The following CAND1 variants were observed in gnomAD, a reference collection of about 807,000 sequenced individuals.
The protein encoded by CAND1 is cullin associated and neddylation dissociated 1, also known as cullin-associated NEDD8-dissociated protein 1.
In CAND1, 7 loss-of-function variants were observed where a neutral mutation model predicts 108.5. The observed-to-expected ratio is 0.06, with a 90% CI of 0.04 to 0.12. The LOEUF (loss-of-function observed/expected upper bound fraction) is 0.12. CAND1 is among the 10% of genes least tolerant of loss of function. The pLI is 1.00. For missense variants in CAND1, 941 were observed against 1,448.7 expected (o/e 0.65, Z 5.69); for synonymous variants, 534 against 512.0 (o/e 1.04, Z -0.58).
rs201672856 is a variant in CAND1, at chr12:67,312,762, G to A, written c.3625G>A (p.Ala1209Thr). 1.1e-5 allele frequency: 18 copies of A among 1,613,722 alleles called. No homozygotes were observed. Among genetic ancestry groups the A allele is most frequent in the Middle Eastern group, 1.6e-4 (1 of 6,062 alleles). Residue 1209 changes from alanine to threonine, a missense_variant, in exon 15 of 15, where the codon GCG (alanine) becomes ACG (threonine). Ala to Thr is a moderately conservative substitution (Grantham distance 58). Transcript: ENST00000545606. ...QSQISSNPEL[A>T]AIFESIQKDS... ...ACAGATCAGTTCTAACCCTGAGCTG[G>A]CGGCTATCTTTGAAAGTATCCAGAA...
At chr12:67,283,232 C>A (rs2044636679) in intron 2 of CAND1, among the ~76,000 whole-genome samples, 1 of 152,072 alleles carries the variant, frequency 6.6e-6, no homozygotes, top group South Asian at 2.1e-4. Context: ...TCCAGACATG[C>A]AATACAAATT....
At chr12:67,294,106 G>A (rs2044746568) in intron 3 of CAND1, among the ~76,000 whole-genome samples, 1 of 152,102 alleles carries the variant, frequency 6.6e-6, no homozygotes, top group Non-Finnish European at 1.5e-5. Flanking sequence ...CAACTCAGAA[G>A]TATGTTATTT....
chr12:67,301,703 A>T (rs899463548), intron 7 of CAND1, among the ~76,000 whole-genome samples: 1 of 152,194 alleles, frequency 6.6e-6, no homozygotes, highest in Non-Finnish European at 1.5e-5. Context: ...GTACATTAAG[A>T]CAAAATTGTG....
rs141094067 is a variant in CAND1, at chr12:67,305,109, A to G, written c.1441A>G (p.Ile481Val). The G allele has an allele frequency of 2.5e-6, 4 of 1,603,752 alleles. No individual in the cohort carries two copies. In the African/African-American group the frequency reaches 4.0e-5, roughly 16 times the overall value. Residue 481 changes from isoleucine (I) to valine (V), a missense_variant, in exon 10 of 15, where the codon ATT becomes GTT. Ile to Val is a conservative substitution (Grantham distance 29). This residue lies in a region of CAND1 where 697 missense variants were observed against 942.0 expected (regional missense o/e 0.74). Transcript: ENST00000545606. The surrounding 1 kb of genome is among the most constrained non-coding windows in gnomAD (Gnocchi z 4.4). ...QHIPVLVPGI[I>V]FSLNDKSSSS... is the part of the protein sequence containing the mutation. ...ATTTTTTGTTGGCTTTTTAGGAATC[A>G]TTTTCTCACTGAATGATAAATCAAG...
chr12:67,279,118 A>G (rs2044596666), intron 1 of CAND1, among the ~76,000 whole-genome samples: 1 of 151,290 alleles, frequency 6.6e-6, no homozygotes, highest in Non-Finnish European at 1.5e-5. Context: ...TGTGCTCCAC[A>G]TACTGAACTG....
Position 67,269,597 on chromosome 12 carries a change from C to G in CAND1, c.-121C>G, listed in dbSNP as rs142433820. On this transcript the variant is annotated 5_prime_UTR_variant, in exon 1 of 15. Coordinates refer to ENST00000545606, the MANE Select transcript of CAND1 (RefSeq NM_018448.5). ...CCTAGTCAGCGTCGGCGTCGCGCTGCGACCCTGGAAGCGGGAGCCGCCGCG... is the reference window on the plus strand; with the variant it reads ...CCTAGTCAGCGTCGGCGTCGCGCTGGGACCCTGGAAGCGGGAGCCGCCGCG... The G allele has an allele frequency of 2.0e-5, 16 of 798,800 alleles. No homozygotes were observed. The highest frequency in any genetic ancestry group is 2.9e-5 in the Admixed American group (1 of 34,602). 49.5% of individuals were successfully genotyped at this position (798,800 alleles called of 1,614,324 possible). A position where few individuals can be genotyped will look rare whatever the true frequency, so the allele number is the denominator to read the frequency against.
At chr12:67,277,828 G>C (rs189888122) in intron 1 of CAND1, among the ~76,000 whole-genome samples, 30 of 152,030 alleles carry the variant, frequency 2.0e-4, no homozygotes, top group Admixed American at 1.3e-3. Flanking sequence ...CATCTTCATT[G>C]ATTGCCATAA....
At position 67,310,000 on chromosome 12, in the gene CAND1, G is replaced by A; in HGVS notation, c.3125G>A (p.Arg1042Lys). The change falls in exon 12 of 15, where the codon AGG (arginine) becomes AAG (lysine). Residue 1042 changes from arginine to lysine, a missense_variant. By Grantham distance (26) the Arg-to-Lys change is conservative. Coordinates refer to ENST00000545606, the MANE Select transcript of CAND1 (RefSeq NM_018448.5). ...SAAHNKPSLI[R>K]DLLDTVLPHL... ...GCACATAACAAGCCATCATTAATAAGGGATCTATTGGATACTGTTCTTCCA... is the reference window on the plus strand; with the variant it reads ...GCACATAACAAGCCATCATTAATAAAGGATCTATTGGATACTGTTCTTCCA... 1 of 1,611,992 alleles carries A rather than the reference G, an allele frequency of 6.2e-7. No homozygotes were observed. The highest frequency in any genetic ancestry group is 8.5e-7 in the Non-Finnish European group (1 of 1,178,286).
chr12:67,283,842 T>C (rs2044643055), intron 2 of CAND1, among the ~76,000 whole-genome samples: 1 of 152,176 alleles, frequency 6.6e-6, no homozygotes, highest in African/African-American at 2.4e-5. Flanking sequence ...CCTGAGTTTC[T>C]TGACCTTTTG....
chr12:67,298,972 C>A lies in CAND1; in HGVS notation c.877C>A (p.His293Asn), dbSNP rs767916183. ...VRRCPKEVYP[H>N]VSTIINICLK... ...TAGATGTCCTAAGGAAGTATATCCT[C>A]ATGTTTCTACCATTATAAATATTTG... The change falls in exon 7 of 15, where the codon CAT becomes AAT. Residue 293 changes from histidine (H) to asparagine (N), a missense_variant. Physicochemically the swap from His to Asn is moderately conservative, Grantham distance 68 (BLOSUM62 1). Transcript: ENST00000545606. The A allele has an allele frequency of 6.5e-7, 1 of 1,534,028 alleles. No homozygotes were observed. The highest frequency in any genetic ancestry group is 1.1e-5 in the South Asian group (1 of 88,492).
In CAND1 at chr12:67,316,962, A is replaced by AACATAGTGAG. The variant is rs1768457502; in HGVS notation, c.*4135_*4144dup. ...CAGGAGTTGGAGACCAGCTCTAGGC[A>AACATAGTGAG]ACATAGTGAGACCCTGTCTCTACCA... is the stretch of plus-strand genomic sequence containing the variant. On this transcript the variant is annotated 3_prime_UTR_variant, in exon 15 of 15. Coordinates refer to ENST00000545606, the MANE Select transcript of CAND1 (RefSeq NM_018448.5). 2 of 152,346 alleles carry AACATAGTGAG rather than the reference A, an allele frequency of 1.3e-5. No individual in the cohort carries two copies. The highest frequency in any genetic ancestry group is 6.5e-5 in the Admixed American group (1 of 15,296). The allele number at this position is 152,346 out of a possible 1,614,324, so 9.4% of individuals were successfully genotyped here.
At chr12:67,304,542 A>G (rs1422981861) in intron 8 of CAND1, 63 bp from the exon 9 acceptor site, 9 of 1,505,468 alleles carry the variant, frequency 6.0e-6, no homozygotes, top group Non-Finnish European at 8.1e-6. Flanking sequence ...TCCATAATTC[A>G]TGTTAAGTGT....
intron 8 of CAND1, 97 bp from the exon 9 acceptor site, chr12:67,304,508 A>G (rs2044858751): frequency 3.1e-6 from 4 of 1,295,980 alleles, no homozygotes; most frequent in Non-Finnish European, 4.3e-6. Flanking sequence ...AAAAAAAGAT[A>G]AACTCTTCCC....
intron 1 of CAND1, among the ~76,000 whole-genome samples, chr12:67,272,325 T>C (rs144990289): frequency 6.6e-6 from 1 of 152,360 alleles, no homozygotes; most frequent in East Asian, 1.9e-4. Context: ...TAAGATCTTA[T>C]GCAAGCTATT....
chr12:67,269,459 A>G lies in CAND1; in HGVS notation c.-259A>G. 1 of 494,622 alleles carries G rather than the reference A, an allele frequency of 2.0e-6. No individual in the cohort carries two copies. The highest frequency in any genetic ancestry group is 2.6e-5 in the South Asian group (1 of 37,858). 30.6% of individuals were successfully genotyped at this position (494,622 alleles called of 1,614,324 possible). A position where few individuals can be genotyped will look rare whatever the true frequency, so the allele number is the denominator to read the frequency against. The stretch of plus-strand genomic sequence containing the variant: ...GGCCCTTCTGTACGCCCCGCCGCCC[A>G]TGAGCTCGTTCTCACGCGAACAGCG... On this transcript the variant is annotated 5_prime_UTR_variant, in exon 1 of 15. The change abolishes an upstream ATG in the 5' untranslated region. Transcript: ENST00000545606.
chr12:67,272,417 T>C (rs1038370518), intron 1 of CAND1, among the ~76,000 whole-genome samples: 2 of 152,182 alleles, frequency 1.3e-5, no homozygotes, highest in African/African-American at 4.8e-5. Context: ...AAATTTCAGG[T>C]CTATTTATAT....
chr12:67,275,528 A>C (rs930670683), intron 1 of CAND1, among the ~76,000 whole-genome samples: 3 of 151,394 alleles, frequency 2.0e-5, no homozygotes, highest in African/African-American at 4.9e-5. Context: ...TGTCTCAAAA[A>C]GAAAAAAAAA....
chr12:67,285,611 G>T (rs2044663152), intron 2 of CAND1, among the ~76,000 whole-genome samples: 1 of 152,148 alleles, frequency 6.6e-6, no homozygotes, highest in Non-Finnish European at 1.5e-5. Context: ...AGTATGTTAT[G>T]AAGGTGGCAT....
intron 2 of CAND1, among the ~76,000 whole-genome samples, chr12:67,285,509 G>C (rs1039333349): frequency 1.3e-5 from 2 of 152,100 alleles, no homozygotes; most frequent in African/African-American, 2.4e-5. Context: ...AGGTAGAGAG[G>C]TGTTGGTTAG....
Sources: allele counts gnomAD v4.1 joint callset (sites outside exome capture counted in the v4.1 genomes callset), GRCh38; gene constraint gnomAD v4.1.1; regional missense constraint gnomAD v4.1.1; non-coding constraint Gnocchi (gnomAD v3.1); transcripts MANE v1.5; gene names NCBI Gene and HGNC (gene_info 2026-07-23, HGNC 2026-07-21).